TNR: variants seen among roughly 807,000 people sequenced by gnomAD.
The protein encoded by TNR is tenascin-R.
Under a neutral mutation model 150.4 loss-of-function variants are expected in TNR, and 45 were observed. The observed-to-expected ratio is 0.30, with a 90% confidence interval of 0.24 to 0.38. The LOEUF (loss-of-function observed/expected upper bound fraction) is 0.38. Ranked by LOEUF, TNR falls within the 10% of genes least tolerant of loss-of-function variation. The pLI is 1.00. For missense variants in TNR, 1,544 were observed against 1,759.1 expected, an observed-to-expected ratio of 0.88 and a Z score of 2.19; for synonymous variants, 687 against 678.4, an observed-to-expected ratio of 1.01 and a Z score of -0.20.
At chr1:175,432,814 A>G (rs1415907875) in intron 2 of TNR, among the ~76,000 whole-genome samples, 1 of 152,140 alleles carries the variant, frequency 6.6e-6, no homozygotes, top group African/African-American at 2.4e-5. Flanking sequence ...TTTGGTGGCA[A>G]ACACATAATG....
At position 175,354,379 on chromosome 1, in the gene TNR, A is replaced by G; in HGVS notation, c.3382+12T>C. On this transcript the variant is annotated intron_variant, in intron 18 of 22. Transcript: ENST00000367674. Reference sequence around the variant, plus strand: ...TGGAGAAGAAGGCATCAAAGTGGCCATGCTCCCTCACCTGTGGTGAAAGCG... The same window carrying G: ...TGGAGAAGAAGGCATCAAAGTGGCCGTGCTCCCTCACCTGTGGTGAAAGCG... The G allele has an allele frequency of 6.2e-7, 1 of 1,613,090 alleles. No homozygotes were observed. Among genetic ancestry groups the G allele is most frequent in the Non-Finnish European group, 8.5e-7 (1 of 1,179,458 alleles).
intron 1 of TNR, among the ~76,000 whole-genome samples, chr1:175,552,822 C>T (rs1268623432): frequency 1.3e-5 from 2 of 152,290 alleles, no homozygotes; most frequent in East Asian, 3.9e-4. Context: ...TGCTTCTTTT[C>T]TCGTGCCTCC....
At chr1:175,667,927 A>T (rs1438590561) in intron 1 of TNR, among the ~76,000 whole-genome samples, 1 of 152,198 alleles carries the variant, frequency 6.6e-6, no homozygotes, top group Admixed American at 6.5e-5. Context: ...CAATCTACTC[A>T]TGCCTTGCTA....
intron 1 of TNR, among the ~76,000 whole-genome samples, chr1:175,603,516 G>T (rs1206742901): frequency 1.3e-5 from 2 of 152,258 alleles, no homozygotes; most frequent in East Asian, 3.8e-4. Flanking sequence ...GGAGCAAGAA[G>T]TGTTAGGTTT....
At chr1:175,357,171 AT>A (rs766711370) in intron 15 of TNR, among the ~76,000 whole-genome samples, 9 of 152,102 alleles carry the variant, frequency 5.9e-5, no homozygotes, top group Non-Finnish European at 1.2e-4. Flanking sequence ...TGCCTCATTG[AT>A]TGAGTTTTGG....
At chr1:175,526,716 G>A (rs1028476883) in intron 2 of TNR, among the ~76,000 whole-genome samples, 4 of 152,244 alleles carry the variant, frequency 2.6e-5, no homozygotes, top group Admixed American at 6.5e-5. Context: ...GGGAAATGAA[G>A]GTGAGATAGA....
chr1:175,529,251 GA>G (rs1207066228), intron 1 of TNR, among the ~76,000 whole-genome samples: 1 of 152,202 alleles, frequency 6.6e-6, no homozygotes, highest in East Asian at 1.9e-4. Flanking sequence ...GGTGCTTCAA[GA>G]GGATGGATTT....
At chr1:175,566,914 T>C (rs1661666107) in intron 1 of TNR, among the ~76,000 whole-genome samples, 1 of 152,228 alleles carries the variant, frequency 6.6e-6, no homozygotes, top group Non-Finnish European at 1.5e-5. Context: ...AGAGAATGCA[T>C]CAAATCATGT....
chr1:175,742,739 C>G (rs959644432), intron 1 of TNR, among the ~76,000 whole-genome samples: 11 of 152,172 alleles, frequency 7.2e-5, no homozygotes, highest in African/African-American at 2.7e-4. Flanking sequence ...TTAAAGCTCT[C>G]TCAGAGGTGC....
intron 1 of TNR, among the ~76,000 whole-genome samples, chr1:175,669,423 A>G (rs1665628393): frequency 1.3e-5 from 2 of 152,172 alleles, no homozygotes; most frequent in Admixed American, 6.5e-5. Context: ...ACCCACATCA[A>G]ATAGGGCACC....
chr1:175,636,490 C>T (rs1304450210), intron 1 of TNR, among the ~76,000 whole-genome samples: 1 of 152,110 alleles, frequency 6.6e-6, no homozygotes, highest in Non-Finnish European at 1.5e-5. Flanking sequence ...AGGTCCCAGG[C>T]TCCTTTGATT....
intron 1 of TNR, among the ~76,000 whole-genome samples, chr1:175,629,181 C>T (rs973276356): frequency 2.0e-5 from 3 of 152,084 alleles, no homozygotes; most frequent in Non-Finnish European, 4.4e-5. Flanking sequence ...TAACATATGG[C>T]CAGAGGTACT....
intron 1 of TNR, among the ~76,000 whole-genome samples, chr1:175,554,112 A>G (rs1013373001): frequency 2.6e-5 from 4 of 152,154 alleles, no homozygotes; most frequent in Admixed American, 1.3e-4. Context: ...GGCCCGCTGC[A>G]TATATTCACT....
chr1:175,340,573 G>A (rs1157594250), intron 18 of TNR, among the ~76,000 whole-genome samples: 1 of 152,084 alleles, frequency 6.6e-6, no homozygotes, highest in African/African-American at 2.4e-5. Flanking sequence ...TCTCAGACTG[G>A]GACCTTATTA....
rs550691462 is a variant in TNR at position 175,483,811 on chromosome 1, C to T, written c.-64+44458G>A. Reference sequence around the variant, plus strand: ...GCTCTGTGGCTGAGCATCTCTGAGGCTAGAGGGCTCTTGGAGGCTAGCCTT... The same window carrying T: ...GCTCTGTGGCTGAGCATCTCTGAGGTTAGAGGGCTCTTGGAGGCTAGCCTT... On this transcript the variant is annotated intron_variant, in intron 2 of 22. Transcript: ENST00000367674. 2.6e-5 allele frequency among the ~76,000 whole-genome samples: 4 copies of T among 152,258 alleles called. No individual in the cohort carries two copies. The East Asian group carries it at 5.8e-4, about 22-fold the overall frequency.
intron 1 of TNR, among the ~76,000 whole-genome samples, chr1:175,687,738 G>A (rs987425526): frequency 1.3e-5 from 2 of 151,746 alleles, no homozygotes; most frequent in Non-Finnish European, 2.9e-5. Context: ...GAGAAAACAT[G>A]AGCCACAATG....
chr1:175,600,643 G>GT (rs1553245902), intron 1 of TNR, among the ~76,000 whole-genome samples: 6 of 152,230 alleles, frequency 3.9e-5, no homozygotes, highest in Non-Finnish European at 8.8e-5. Flanking sequence ...TGAGGGGTGA[G>GT]TAGGAGCAGA....
intron 1 of TNR, among the ~76,000 whole-genome samples, chr1:175,553,252 T>C (rs1366078226): frequency 6.6e-6 from 1 of 152,162 alleles, no homozygotes; most frequent in Non-Finnish European, 1.5e-5. Flanking sequence ...CCTCAATGGC[T>C]GCTGAGGGCT....
chr1:175,726,726 A>G (rs1055028666), intron 1 of TNR, among the ~76,000 whole-genome samples: 2 of 152,266 alleles, frequency 1.3e-5, no homozygotes, highest in African/African-American at 4.8e-5. Context: ...AGAAAAATTG[A>G]AAGACAAAAT....
Sources: gnomAD v4.1 joint callset for allele counts (sites outside exome capture counted in the v4.1 genomes callset) on GRCh38, gnomAD v4.1.1 for gene constraint, MANE v1.5 for transcripts, NCBI Gene and HGNC (gene_info 2026-07-23, HGNC 2026-07-21) for gene names.